Variants in PMS1 observed in about 807,000 individuals in gnomAD.
The protein encoded by PMS1 is PMS1 homolog 1, mismatch repair system component.
PMS1 carries 79 observed loss-of-function variants against 93.1 expected under a neutral mutation model. The ratio of observed to expected loss-of-function variants is 0.85; its 90% confidence interval spans 0.71 to 1.02. The LOEUF (loss-of-function observed/expected upper bound fraction) is 1.02, where lower values mean the gene tolerates loss of function less well. PMS1 is among the 50% of genes least tolerant of loss of function. The pLI, the probability that PMS1 is intolerant of heterozygous loss-of-function variation, is 0.00. For missense variants in PMS1, 1,064 were observed against 1,085.3 expected (o/e 0.98, Z 0.28); for synonymous variants, 335 against 363.4 (o/e 0.92, Z 0.89).
intron 5 of PMS1, among the ~76,000 whole-genome samples, chr2:189,827,954 T>G (rs932049559): frequency 6.6e-6 from 1 of 150,860 alleles, no homozygotes; most frequent in Admixed American, 6.6e-5. Context: ...GACAGAGTCT[T>G]GCTCTGTCAC....
intron 5 of PMS1, among the ~76,000 whole-genome samples, chr2:189,830,672 T>G (rs2052849106): frequency 6.6e-6 from 1 of 152,126 alleles, no homozygotes. Context: ...CTCAAGTGGG[T>G]GCTCAAAAAA....
intron 5 of PMS1, among the ~76,000 whole-genome samples, chr2:189,831,278 A>C (rs1404948561): frequency 6.6e-6 from 1 of 152,196 alleles, no homozygotes. Flanking sequence ...GTTTTTAAGT[A>C]GGGAATTGAC....
intron 12 of PMS1, among the ~76,000 whole-genome samples, chr2:189,874,307 A>G (rs2057386151): frequency 6.6e-6 from 1 of 152,184 alleles, no homozygotes; most frequent in African/African-American, 2.4e-5. Flanking sequence ...CCTTTATATT[A>G]CATACTTGTC....
At chr2:189,794,050 T>G (rs1348596766) in intron 2 of PMS1, among the ~76,000 whole-genome samples, 1 of 152,002 alleles carries the variant, frequency 6.6e-6, no homozygotes, top group Admixed American at 6.6e-5. Context: ...GCCACCATAC[T>G]TGGCCTGATT....
rs761809273 is a variant in PMS1, at chr2:189,873,613, A to G, written c.2591A>G (p.Glu864Gly). Residue 864 changes from glutamate to glycine, a missense_variant, in exon 12 of 13, where the codon GAA becomes GGA. By Grantham distance (98) the Glu-to-Gly change is moderately conservative (BLOSUM62 -2). Coordinates refer to ENST00000441310, the MANE Select transcript of PMS1 (RefSeq NM_000534.5). ...GCTATATTAAACAGAAATGCAAAGG[A>G]AGTTTATGAATGTAGACCTCGCAAA... The part of the protein sequence containing the change: ...LNAILNRNAK[E>G]VYECRPRKVI... 4 of 1,606,858 alleles carry G rather than the reference A, an allele frequency of 2.5e-6. No individual in the cohort carries two copies. The Admixed American group carries it at 6.7e-5, about 27-fold the overall frequency.
At chr2:189,808,948 T>G (rs1207843125) in intron 4 of PMS1, among the ~76,000 whole-genome samples, 1 of 152,214 alleles carries the variant, frequency 6.6e-6, no homozygotes. Context: ...AGTATTAAGC[T>G]TTCCAAATTG....
chr2:189,871,220 G>A (rs977428902), intron 11 of PMS1, among the ~76,000 whole-genome samples: 1 of 152,106 alleles, frequency 6.6e-6, no homozygotes, highest in African/African-American at 2.4e-5. Flanking sequence ...TAAGGGCAGA[G>A]GTGTCCAATC....
intron 11 of PMS1, among the ~76,000 whole-genome samples, chr2:189,869,752 G>A (rs1375616891): frequency 6.6e-6 from 1 of 151,696 alleles, no homozygotes; most frequent in Non-Finnish European, 1.5e-5. Flanking sequence ...AGGAGGTGGA[G>A]GTTGCAGTGA....
chr2:189,826,054 C>G (rs191712997), intron 5 of PMS1, among the ~76,000 whole-genome samples: 229 of 152,284 alleles, frequency 1.5e-3, no homozygotes, highest in Admixed American at 0.01. Flanking sequence ...AAGTGATGCC[C>G]TATAATATAT....
At chr2:189,814,444 C>T (rs972761896) in intron 4 of PMS1, among the ~76,000 whole-genome samples, 3 of 151,992 alleles carry the variant, frequency 2.0e-5, no homozygotes, top group Non-Finnish European at 4.4e-5. Flanking sequence ...AAAATCTTTT[C>T]CCCCCAATCT....
At chr2:189,870,372 G>T (rs949461887) in intron 11 of PMS1, among the ~76,000 whole-genome samples, 2 of 152,228 alleles carry the variant, frequency 1.3e-5, no homozygotes, top group South Asian at 4.1e-4. Context: ...AATAGGAATA[G>T]CTTTTTGTCC....
rs117891176 is a variant in PMS1 at position 189,846,164 on chromosome 2, A to G, written c.699+2084A>G. 9.1e-3 allele frequency among the ~76,000 whole-genome samples: 1,389 copies of G among 151,990 alleles called. 77 individuals carry two copies. In the East Asian group the frequency reaches 0.17, roughly 18 times the overall value. On this transcript the variant is annotated intron_variant, in intron 6 of 12. Coordinates refer to ENST00000441310, the MANE Select transcript of PMS1 (RefSeq NM_000534.5). ...TTGGGAGGCTGAGGCACTTGGGGCCAGAAGCTCAAGACCAGCCTGGGCAAC... is the reference window on the plus strand; with the variant it reads ...TTGGGAGGCTGAGGCACTTGGGGCCGGAAGCTCAAGACCAGCCTGGGCAAC...
At chr2:189,830,183 C>T (rs1447965475) in intron 5 of PMS1, among the ~76,000 whole-genome samples, 3 of 152,150 alleles carry the variant, frequency 2.0e-5, no homozygotes, top group Non-Finnish European at 2.9e-5. Context: ...TGAATGTAGC[C>T]ATAAACAATA....
In PMS1 at chr2:189,805,767, C is replaced by T; in HGVS notation, c.418+13C>T. The T allele has an allele frequency of 1.2e-6, 2 of 1,613,254 alleles. No homozygotes were observed. The highest frequency in any genetic ancestry group is 1.7e-6 in the Non-Finnish European group (2 of 1,179,764). On this transcript the variant is annotated intron_variant, in intron 4 of 12. Coordinates refer to ENST00000441310, the MANE Select transcript of PMS1 (RefSeq NM_000534.5). Reference sequence around the variant, plus strand: ...CATCTTGGTCAAGGTAAGAAAGTAGCTTTGTATACAAACATTCTTTACCTT... The same window carrying T: ...CATCTTGGTCAAGGTAAGAAAGTAGTTTTGTATACAAACATTCTTTACCTT...
chr2:189,788,675 T>C (rs536355632), intron 1 of PMS1, among the ~76,000 whole-genome samples: 102 of 152,240 alleles, frequency 6.7e-4, no homozygotes, highest in African/African-American at 2.4e-3. Flanking sequence ...ATATATTTTA[T>C]GTAATCTAGT....
intron 5 of PMS1, among the ~76,000 whole-genome samples, chr2:189,833,630 T>C (rs545404804): frequency 2.0e-4 from 31 of 152,258 alleles, no homozygotes; most frequent in African/African-American, 7.2e-4. Context: ...AAATATTTCA[T>C]ATATACCAAC....
At chr2:189,852,864 T>G (rs2054893564) in intron 7 of PMS1, 87 bp downstream of exon 7, 4 of 831,372 alleles carry the variant, frequency 4.8e-6, no homozygotes, top group Non-Finnish European at 8.0e-6. Context: ...TGCTCTAAAA[T>G]AAAAAAAAAG....
At chr2:189,866,460 G>GT (rs1440096485) in intron 10 of PMS1, among the ~76,000 whole-genome samples, 2 of 152,120 alleles carry the variant, frequency 1.3e-5, no homozygotes, top group Non-Finnish European at 2.9e-5. Flanking sequence ...AGTTAATGAT[G>GT]TAAGTTTTTC....
intron 6 of PMS1, among the ~76,000 whole-genome samples, chr2:189,851,099 A>T (rs2054665640): frequency 6.6e-6 from 1 of 152,084 alleles, no homozygotes; most frequent in East Asian, 1.9e-4. Flanking sequence ...CCTGATTTTC[A>T]CTTTTTACAG....
Sources: gnomAD v4.1 joint callset for allele counts (sites outside exome capture counted in the v4.1 genomes callset) on GRCh38, gnomAD v4.1.1 for gene constraint, MANE v1.5 for transcripts, NCBI Gene and HGNC (gene_info 2026-07-23, HGNC 2026-07-21) for gene names.